SPATA13: variants seen among roughly 807,000 people sequenced by gnomAD.
SPATA13 encodes spermatogenesis associated 13.
A neutral mutation model predicts 104.0 loss-of-function variants in SPATA13; 50 were observed. The ratio of observed to expected loss-of-function variants is 0.48; its 90% CI spans 0.38 to 0.61. The LOEUF is 0.61. Among genes scored for constraint, SPATA13 ranks in the 20% least tolerant of loss-of-function variants. The pLI is 0.00. For missense variants in SPATA13, 1,524 were observed against 1,690.6 expected, an observed-to-expected ratio of 0.90 and a Z score of 1.73; for synonymous variants, 606 against 667.5, an observed-to-expected ratio of 0.91 and a Z score of 1.42.
chr13:24,123,468 A>C, intron 3 of SPATA13: 1 of 1,562,524 alleles, frequency 6.4e-7, no homozygotes, highest in Non-Finnish European at 8.8e-7. Context: ...CTTTTTCTTC[A>C]GAAGTATTTC....
chr13:24,075,207 C>T (rs1242177480), intron 3 of SPATA13, among the ~76,000 whole-genome samples: 1 of 152,324 alleles, frequency 6.6e-6, no homozygotes, highest in African/African-American at 2.4e-5. Flanking sequence ...TACTATTACT[C>T]TCTAACATTT....
chr13:24,287,349 G>C (rs1343721122), intron 7 of SPATA13, among the ~76,000 whole-genome samples: 1 of 152,138 alleles, frequency 6.6e-6, no homozygotes, highest in Non-Finnish European at 1.5e-5. Flanking sequence ...TTTATATAGA[G>C]ATAGGGTCTC....
intron 2 of SPATA13, among the ~76,000 whole-genome samples, chr13:23,987,300 AC>A (rs1218161136): frequency 1.3e-5 from 2 of 152,154 alleles, no homozygotes; most frequent in African/African-American, 4.8e-5. Flanking sequence ...TATGTCTATG[AC>A]CGGGAAATGA....
At chr13:24,013,070 T>A (rs1162014994) in intron 2 of SPATA13, among the ~76,000 whole-genome samples, 1 of 152,188 alleles carries the variant, frequency 6.6e-6, no homozygotes, top group Non-Finnish European at 1.5e-5. Context: ...CCCCACTGGC[T>A]GCAGCCCATG....
intron 3 of SPATA13, among the ~76,000 whole-genome samples, chr13:24,062,222 G>T (rs1488122718): frequency 6.6e-6 from 1 of 152,266 alleles, no homozygotes; most frequent in Non-Finnish European, 1.5e-5. Context: ...ATTCCGGGAA[G>T]AGCTCTAGGG....
chr13:24,223,951 C>T lies in SPATA13; in HGVS notation c.1022C>T (p.Ala341Val), dbSNP rs1472709925. ...AWRRESPRSG[A>V]PSPGEASLRL... ...AGGAGGGAGAGTCCTAGGAGTGGGG[C>T]CCCATCCCCTGGAGAGGCCAGCCTG... The change falls in exon 2 of 13, where the codon GCC (alanine) becomes GTC (valine). Residue 341 changes from alanine to valine, a missense_variant. Around this residue, in one of 2 missense-constraint regions of SPATA13, gnomAD observed 1,089 missense variants for 1,135.9 expected, o/e 0.96. Transcript: ENST00000382108. 7.7e-6 allele frequency: 12 copies of T among 1,550,136 alleles called. No homozygotes were observed. Among genetic ancestry groups the T allele is most frequent in the Non-Finnish European group, 1.0e-5 (12 of 1,146,094 alleles).
At position 24,044,229 on chromosome 13, in the gene SPATA13, CTTTCTTTTTTTT is replaced by C. The variant is rs1314430228; in HGVS notation, c.-112+26532_-112+26543del. Among the ~76,000 whole-genome samples the C allele has an allele frequency of 8.9e-3, 938 of 105,650 alleles. 41 individuals are homozygous for C. The Admixed American group carries it at 0.089, about 10-fold the overall frequency. 69.3% of individuals were successfully genotyped at this position (105,650 alleles called of 152,430 possible). ...TGTTTGATTTAATTTGTTTTTCTTT[CTTTCTTTTTTTT>C]TTTTTTTTTTGAGACGTAGTCTTGC... On this transcript the variant is annotated intron_variant, in intron 3 of 14. Coordinates refer to the SPATA13 transcript ENST00000424834.
chr13:24,186,724 G>C (rs1375820831), intron 1 of SPATA13, among the ~76,000 whole-genome samples: 1 of 152,184 alleles, frequency 6.6e-6, no homozygotes, highest in Non-Finnish European at 1.5e-5. Context: ...ACAGGTTTGA[G>C]AGGGAAGTGC....
At chr13:24,035,027 A>G (rs549835119) in intron 3 of SPATA13, 1 of 152,384 alleles carries the variant, frequency 6.6e-6, no homozygotes, top group Non-Finnish European at 1.5e-5. Flanking sequence ...TCTACATGAC[A>G]CATCAACTTT....
chr13:24,210,833 A>G lies in SPATA13; in HGVS notation c.-111-11986A>G, dbSNP rs577066445. 1.4e-4 allele frequency among the ~76,000 whole-genome samples: 21 copies of G among 147,044 alleles called. No individual in the cohort carries two copies. The East Asian group carries it at 4.1e-3, about 29-fold the overall frequency. ...GGCATTGAATCTGTAGATGACTTTCAGTAGTATGGACATTTTAATGATATT... is the reference window on the plus strand; with the variant it reads ...GGCATTGAATCTGTAGATGACTTTCGGTAGTATGGACATTTTAATGATATT... On this transcript the variant is annotated intron_variant, in intron 1 of 12. Coordinates refer to ENST00000382108, the MANE Select transcript of SPATA13 (RefSeq NM_001166271.3).
At chr13:24,259,048 G>A (rs1051587800) in intron 4 of SPATA13, among the ~76,000 whole-genome samples, 2 of 152,292 alleles carry the variant, frequency 1.3e-5, no homozygotes, top group Admixed American at 1.3e-4. Context: ...CAGGCTGCCC[G>A]TGAGCATCTC....
intron 3 of SPATA13, among the ~76,000 whole-genome samples, chr13:24,107,661 A>G (rs1238067551): frequency 2.0e-5 from 3 of 152,222 alleles, no homozygotes; most frequent in African/African-American, 7.2e-5. Flanking sequence ...GACAGCGCCT[A>G]CGTCAGCTTT....
intron 1 of SPATA13, among the ~76,000 whole-genome samples, chr13:24,181,156 T>C (rs1438291695): frequency 1.3e-5 from 2 of 152,188 alleles, no homozygotes; most frequent in African/African-American, 4.8e-5. Context: ...TGGAAGTTGC[T>C]CTGGGTGAGT....
chr13:24,098,606 A>AC (rs1555261417), intron 3 of SPATA13, among the ~76,000 whole-genome samples: 48 of 147,880 alleles, frequency 3.2e-4, no homozygotes, highest in Admixed American at 5.4e-4. Flanking sequence ...AAAAAAAAAA[A>AC]AAGAAGAAGA....
At chr13:24,146,798 A>G (rs1379851944) in intron 3 of SPATA13, among the ~76,000 whole-genome samples, 1 of 152,136 alleles carries the variant, frequency 6.6e-6, no homozygotes, top group Admixed American at 6.5e-5. Flanking sequence ...TGCCCTCTAC[A>G]CACTACGGAA....
At chr13:24,196,902 G>GAA (rs57682310) in intron 1 of SPATA13, among the ~76,000 whole-genome samples, 4 of 150,146 alleles carry the variant, frequency 2.7e-5, no homozygotes, top group African/African-American at 9.8e-5. Flanking sequence ...GGATTGGCTA[G>GAA]AAAAAAAAAC....
chr13:24,004,754 G>A (rs1876145903), intron 2 of SPATA13, among the ~76,000 whole-genome samples: 1 of 152,138 alleles, frequency 6.6e-6, no homozygotes, highest in Non-Finnish European at 1.5e-5. Flanking sequence ...CACAGTATCC[G>A]TGAAAGCTGT....
intron 3 of SPATA13, among the ~76,000 whole-genome samples, chr13:24,094,114 G>C (rs1311026264): frequency 6.6e-6 from 1 of 152,200 alleles, no homozygotes; most frequent in African/African-American, 2.4e-5. Context: ...TGGGAGAAGA[G>C]CATGAACAGG....
At chr13:24,188,150 G>T (rs1869277060) in intron 1 of SPATA13, among the ~76,000 whole-genome samples, 1 of 148,844 alleles carries the variant, frequency 6.7e-6, no homozygotes, top group African/African-American at 2.6e-5. Flanking sequence ...AGACCAGCCT[G>T]GGCAACATGG....
Sources: allele counts gnomAD v4.1 joint callset (sites outside exome capture counted in the v4.1 genomes callset), GRCh38; gene constraint gnomAD v4.1.1; regional missense constraint gnomAD v4.1.1; transcripts MANE v1.5; gene names NCBI Gene and HGNC (gene_info 2026-07-23, HGNC 2026-07-21).